Variants in ADAM29 observed in about 807,000 individuals in gnomAD.
The protein encoded by ADAM29 is ADAM metallopeptidase domain 29.
For missense variants in ADAM29, 969 were observed against 1,001.8 expected, an observed-to-expected ratio of 0.97 and a Z score of 0.44; for synonymous variants, 367 against 342.3, an observed-to-expected ratio of 1.07 and a Z score of -0.80.
In ADAM29 at chr4:174,975,661, A is replaced by G. The variant is rs775949537; in HGVS notation, c.136A>G (p.Met46Val). The G allele has an allele frequency of 1.2e-6, 2 of 1,613,318 alleles. No homozygotes were observed. Among genetic ancestry groups the G allele is most frequent in the Non-Finnish European group, 1.7e-6 (2 of 1,179,630 alleles). The stretch of plus-strand genomic sequence containing the variant: ...GAGGATAACTGGCACCACCAGAGGC[A>G]TGACACCTCCAGGCTGGCTCTCCTA... ...PVRITGTTRGMTPPGWLSYIL... is the reference protein window; with the variant it reads ...PVRITGTTRGVTPPGWLSYIL... The change falls in exon 5 of 5, where the codon ATG becomes GTG. Residue 46 changes from methionine (M) to valine (V), a missense_variant. Transcript: ENST00000359240.
intron 4 of ADAM29, among the ~76,000 whole-genome samples, chr4:174,937,296 T>C (rs1028020844): frequency 2.0e-5 from 3 of 152,052 alleles, no homozygotes; most frequent in Non-Finnish European, 4.4e-5. Flanking sequence ...GTTACGCAAA[T>C]GATGATGTAT....
intron 4 of ADAM29, among the ~76,000 whole-genome samples, chr4:174,944,389 C>G (rs1744717977): frequency 6.6e-6 from 1 of 152,160 alleles, no homozygotes; most frequent in Non-Finnish European, 1.5e-5. Flanking sequence ...CCATCTCACT[C>G]CCCAAGCTGT....
chr4:174,929,969 C>G (rs1000446726), intron 2 of ADAM29, among the ~76,000 whole-genome samples: 8 of 152,116 alleles, frequency 5.3e-5, no homozygotes, highest in Non-Finnish European at 1.2e-4. Flanking sequence ...CAGTCTGTCG[C>G]CCAGGCTGGA....
At chr4:174,944,946 G>A (rs1744755746) in intron 4 of ADAM29, among the ~76,000 whole-genome samples, 1 of 152,038 alleles carries the variant, frequency 6.6e-6, no homozygotes, top group Non-Finnish European at 1.5e-5. Flanking sequence ...GGGTACTTGA[G>A]TTGATTCTTT....
chr4:174,923,525 G>GTATA (rs58980378), intron 2 of ADAM29, among the ~76,000 whole-genome samples: 164 of 96,680 alleles, frequency 1.7e-3, no homozygotes, highest in South Asian at 2.9e-3. Flanking sequence ...TGCATTATAT[G>GTATA]TATATATATA....
intron 4 of ADAM29, among the ~76,000 whole-genome samples, chr4:174,949,514 G>A (rs1321809035): frequency 2.6e-5 from 4 of 152,148 alleles, no homozygotes; most frequent in African/African-American, 9.7e-5. Context: ...CCCTTCGCCA[G>A]GAGTCACTGG....
In ADAM29 at chr4:174,977,505, T is replaced by C. The variant is rs1394589650; in HGVS notation, c.1980T>C (p.Gly660=). Residue 660 remains glycine, a synonymous_variant, in exon 5 of 5, where the codon GGT becomes GGC. Coordinates refer to ENST00000359240, the MANE Select transcript of ADAM29 (RefSeq NM_014269.4). ...PPNCLIKGYG[G]SVDSGPPPKR... is the part of the protein sequence containing the mutation. Reference sequence around the variant, plus strand: ...ACTGCCTGATAAAAGGCTATGGAGGTAGTGTTGACAGTGGCCCACCCCCTA... The same window carrying C: ...ACTGCCTGATAAAAGGCTATGGAGGCAGTGTTGACAGTGGCCCACCCCCTA... 7 of 1,614,170 alleles carry C rather than the reference T, an allele frequency of 4.3e-6. No individual in the cohort carries two copies. The Admixed American group carries it at 8.3e-5, about 19-fold the overall frequency.
chr4:174,943,854 C>G (rs1376433366), intron 4 of ADAM29, among the ~76,000 whole-genome samples: 1 of 151,212 alleles, frequency 6.6e-6, no homozygotes, highest in Admixed American at 6.6e-5. Context: ...ATTATAAAAC[C>G]TAATAGTTTT....
chr4:174,954,066 T>C (rs1745349474), intron 4 of ADAM29, among the ~76,000 whole-genome samples: 2 of 152,194 alleles, frequency 1.3e-5, no homozygotes, highest in Admixed American at 6.5e-5. Context: ...TGCCATTATA[T>C]AACTTTCCCT....
intron 4 of ADAM29, among the ~76,000 whole-genome samples, chr4:174,953,981 G>A (rs1053144199): frequency 1.3e-5 from 2 of 152,058 alleles, no homozygotes; most frequent in African/African-American, 4.8e-5. Context: ...CAAAGTGTTG[G>A]GATTACAGGT....
At chr4:174,966,265 C>T (rs1746153109) in intron 4 of ADAM29, among the ~76,000 whole-genome samples, 1 of 152,080 alleles carries the variant, frequency 6.6e-6, no homozygotes, top group Non-Finnish European at 1.5e-5. Context: ...ATGTGGAACC[C>T]ACAGATACAG....
intron 4 of ADAM29, among the ~76,000 whole-genome samples, chr4:174,952,880 T>C (rs1267630605): frequency 6.6e-6 from 1 of 152,184 alleles, no homozygotes; most frequent in African/African-American, 2.4e-5. Context: ...CATTTTCTGG[T>C]TCTGTTAAAC....
In ADAM29 at chr4:174,952,667, T is replaced by A. The variant is rs914179192; in HGVS notation, c.-181+15654T>A. ...GGAGATGAGATGAAAATGATGAGAA[T>A]ATGTAAACTGAGTATCCGTACATGT... is the stretch of plus-strand genomic sequence containing the variant. On this transcript the variant is annotated intron_variant, in intron 4 of 4. Transcript: ENST00000359240. Among the ~76,000 whole-genome samples, 5 of 152,118 alleles carry A rather than the reference T, an allele frequency of 3.3e-5. No individual in the cohort carries two copies. In the East Asian group the frequency reaches 5.8e-4, roughly 18 times the overall value.
intron 4 of ADAM29, among the ~76,000 whole-genome samples, chr4:174,961,380 C>A (rs917884775): frequency 2.0e-5 from 3 of 151,468 alleles, no homozygotes; most frequent in Non-Finnish European, 4.4e-5. Context: ...CACCTTTAGA[C>A]AGTGAAACTT....
chr4:174,976,098 G>T lies in ADAM29; in HGVS notation c.573G>T (p.Val191=), dbSNP rs1196854279. Residue 191 remains valine (V), a synonymous_variant, in exon 5 of 5, where the codon GTG becomes GTT. Transcript: ENST00000359240. ...CCACTCAGAAGCAAAGTTCTTATGTGGGCTGGTGGATCCATTTTAGGATTG... is the reference window on the plus strand; with the variant it reads ...CCACTCAGAAGCAAAGTTCTTATGTTGGCTGGTGGATCCATTTTAGGATTG... ...DNSTQKQSSY[V]GWWIHFRIVE... is the part of the protein sequence containing the mutation. 22 of 1,612,436 alleles carry T rather than the reference G, an allele frequency of 1.4e-5. No homozygotes were observed. Among genetic ancestry groups the T allele is most frequent in the Non-Finnish European group, 1.8e-5 (21 of 1,179,834 alleles).
intron 4 of ADAM29, among the ~76,000 whole-genome samples, chr4:174,956,405 G>A (rs943658200): frequency 2.0e-5 from 3 of 151,488 alleles, no homozygotes; most frequent in Non-Finnish European, 4.4e-5. Context: ...ATTCATTGCA[G>A]CTGTGGCATA....
chr4:174,924,372 T>A (rs1743364888), intron 2 of ADAM29, among the ~76,000 whole-genome samples: 1 of 152,222 alleles, frequency 6.6e-6, no homozygotes, highest in South Asian at 2.1e-4. Flanking sequence ...GGAACTCTCA[T>A]TCACTGCTAG....
chr4:174,919,549 G>A (rs1743054904), intron 1 of ADAM29, among the ~76,000 whole-genome samples: 1 of 152,180 alleles, frequency 6.6e-6, no homozygotes, highest in Admixed American at 6.6e-5. Flanking sequence ...GGAGCTCAAA[G>A]TTCTCTTCCA....
intron 4 of ADAM29, among the ~76,000 whole-genome samples, chr4:174,944,644 T>C (rs1319748244): frequency 6.6e-6 from 1 of 152,226 alleles, no homozygotes; most frequent in Non-Finnish European, 1.5e-5. Flanking sequence ...GTACGCATAG[T>C]ACCTTATAGG....
Sources: gnomAD v4.1 joint callset for allele counts (sites outside exome capture counted in the v4.1 genomes callset) on GRCh38, gnomAD v4.1.1 for gene constraint, MANE v1.5 for transcripts, NCBI Gene and HGNC (gene_info 2026-07-23, HGNC 2026-07-21) for gene names.